CACNA1A: variants seen among roughly 807,000 people sequenced by gnomAD.
CACNA1A encodes voltage-dependent P/Q-type calcium channel subunit alpha-1A.
In CACNA1A, 57 loss-of-function variants were observed where a neutral mutation model predicts 262.4. The observed-to-expected ratio is 0.22, with a 90% CI of 0.18 to 0.27. The LOEUF is 0.27. Among genes scored for constraint, CACNA1A ranks in the 10% least tolerant of loss-of-function variants. CACNA1A has a pLI of 1.00. For missense variants in CACNA1A, 2,526 were observed against 3,562.8 expected, an observed-to-expected ratio of 0.71 and a Z score of 7.41; for synonymous variants, 1,431 against 1,419.3, an observed-to-expected ratio of 1.01 and a Z score of -0.18.
chr19:13,314,340 G>A (rs1176031107), intron 11 of CACNA1A, among the ~76,000 whole-genome samples: 1 of 152,168 alleles, frequency 6.6e-6, no homozygotes, highest in African/African-American at 2.4e-5. Flanking sequence ...TTAAATGTTT[G>A]TGTCCCCTCC....
intron 1 of CACNA1A, among the ~76,000 whole-genome samples, chr19:13,504,316 C>T (rs373658389): frequency 1.3e-5 from 2 of 152,170 alleles, no homozygotes; most frequent in African/African-American, 4.8e-5. Flanking sequence ...AGACCTGGCA[C>T]CTGCTTTGGG....
At chr19:13,283,603 C>A in intron 21 of CACNA1A, 1 of 551,004 alleles carries the variant, frequency 1.8e-6, no homozygotes, top group Non-Finnish European at 3.2e-6. Context: ...TGAGAGAAGA[C>A]ATTCACATGC....
At chr19:13,460,551 C>T (rs1464094675) in intron 1 of CACNA1A, among the ~76,000 whole-genome samples, 4 of 152,080 alleles carry the variant, frequency 2.6e-5, no homozygotes, top group African/African-American at 9.7e-5. Flanking sequence ...TATTCAAAGC[C>T]TTCCCATGGA....
In CACNA1A at chr19:13,350,734, T is replaced by A. The variant is rs945119320; in HGVS notation, c.978+8872A>T. Among the ~76,000 whole-genome samples, 4 of 152,204 alleles carry A rather than the reference T, an allele frequency of 2.6e-5. No individual in the cohort carries two copies. The South Asian group carries it at 8.3e-4, about 32-fold the overall frequency. On this transcript the variant is annotated intron_variant, in intron 6 of 46. Transcript: ENST00000360228. ...AAAAAAAATTCTGGGCTGGTCACAG[T>A]GGCTCATGCCTATAATCCCAGTGAC...
At position 13,406,416 on chromosome 19, in the gene CACNA1A, A is replaced by T. The variant is rs913009769; in HGVS notation, c.540-34637T>A. Among the ~76,000 whole-genome samples the T allele has an allele frequency of 1.0e-3, 146 of 139,626 alleles. 1 individual carries two copies. The highest frequency in any genetic ancestry group is 3.7e-3 in the African/African-American group (141 of 38,238). The allele number at this position is 139,626 out of a possible 152,430, so 91.6% of individuals were successfully genotyped here. A position where few individuals can be genotyped will look rare whatever the true frequency, so the allele number is the denominator to read the frequency against. On this transcript the variant is annotated intron_variant, in intron 3 of 46. Transcript: ENST00000360228. ...GTTGCAGTGAGCCAAGATCGCGACA[A>T]TGGGCTTCAGCCTGGGTGACAGAGG... is the stretch of plus-strand genomic sequence containing the variant.
rs756780624 is a variant in CACNA1A at position 13,209,390 on chromosome 19, G to A, written c.6448C>T (p.Arg2150Trp). ...CGGTCGCGGCGCCGCTGGTGGTGCCGCTGGTTCTCCTCGGGCGGGACCCGC... is the reference window on the plus strand; with the variant it reads ...CGGTCGCGGCGCCGCTGGTGGTGCCACTGGTTCTCCTCGGGCGGGACCCGC... ...LERVPPEENQ[R>W]HHQRRRDRSH... Residue 2150 changes from arginine (R) to tryptophan (W), a missense_variant, in exon 45 of 47, where the codon CGG becomes TGG. Coordinates refer to ENST00000360228, the MANE Select transcript of CACNA1A (RefSeq NM_001127222.2). The A allele has an allele frequency of 1.3e-4, 189 of 1,401,216 alleles. 1 individual carries two copies. The East Asian group carries it at 5.1e-3, about 38-fold the overall frequency. 86.8% of individuals were successfully genotyped at this position (1,401,216 alleles called of 1,614,324 possible).
At chr19:13,288,531 G>A (rs1420969558) in intron 19 of CACNA1A, among the ~76,000 whole-genome samples, 1 of 151,986 alleles carries the variant, frequency 6.6e-6, no homozygotes, top group Non-Finnish European at 1.5e-5. Flanking sequence ...CCTAAGTGCT[G>A]GATATATAGA....
intron 19 of CACNA1A, among the ~76,000 whole-genome samples, chr19:13,290,982 T>C (rs1321603853): frequency 2.0e-5 from 3 of 152,128 alleles, no homozygotes; most frequent in Non-Finnish European, 2.9e-5. Flanking sequence ...CTGTTGGCTC[T>C]GTTTGTTGGG....
intron 11 of CACNA1A, among the ~76,000 whole-genome samples, chr19:13,314,019 T>G (rs7257258): frequency 0.29 from 44,565 of 152,022 alleles, 7,098 homozygotes; most frequent in East Asian, 0.46. Flanking sequence ...GACAAAGCCT[T>G]TTGTTCTTTG....
chr19:13,458,103 T>C (rs902673507), intron 1 of CACNA1A, among the ~76,000 whole-genome samples: 13 of 152,276 alleles, frequency 8.5e-5, no homozygotes, highest in Middle Eastern at 3.4e-3. Context: ...TTACACAACA[T>C]TGTGAGTGTA....
At chr19:13,402,039 T>C (rs1419434504) in intron 3 of CACNA1A, among the ~76,000 whole-genome samples, 1 of 152,148 alleles carries the variant, frequency 6.6e-6, no homozygotes, top group East Asian at 1.9e-4. Context: ...AGATTTTTGG[T>C]TTTATTGGTT....
chr19:13,504,691 C>A (rs1463814930), intron 1 of CACNA1A, among the ~76,000 whole-genome samples: 1 of 152,220 alleles, frequency 6.6e-6, no homozygotes, highest in African/African-American at 2.4e-5. Context: ...TGGAACTGTG[C>A]GGAGAAGCGG....
intron 40 of CACNA1A, chr19:13,213,917 C>G: frequency 3.3e-6 from 1 of 300,606 alleles, no homozygotes; most frequent in East Asian, 7.3e-5. Context: ...CACTCCTGGC[C>G]TCAAGTGATC....
rs114147441 is a variant in CACNA1A, at chr19:13,444,038, G to A, written c.539+8838C>T. On this transcript the variant is annotated intron_variant, in intron 3 of 46. Coordinates refer to ENST00000360228, the MANE Select transcript of CACNA1A (RefSeq NM_001127222.2). ...ATCATTATTATCACTGTCACTGCTGGTGTTGTTAGAAGATGGAAGAAAATA... is the reference window on the plus strand; with the variant it reads ...ATCATTATTATCACTGTCACTGCTGATGTTGTTAGAAGATGGAAGAAAATA... Among the ~76,000 whole-genome samples the A allele has an allele frequency of 3.8e-3, 573 of 152,306 alleles. 6 individuals carry two copies. Among genetic ancestry groups the A allele is most frequent in the African/African-American group, 0.013 (548 of 41,562 alleles).
intron 30 of CACNA1A, among the ~76,000 whole-genome samples, chr19:13,249,858 C>T (rs1003142363): frequency 3.3e-5 from 5 of 152,094 alleles, no homozygotes; most frequent in African/African-American, 7.2e-5. Flanking sequence ...TAACCACCTC[C>T]GTGAGCCAAG....
intron 3 of CACNA1A, chr19:13,450,598 G>T (rs969892717): frequency 6.6e-6 from 1 of 152,044 alleles, no homozygotes; most frequent in African/African-American, 2.4e-5. Flanking sequence ...TTACTGCTGT[G>T]TCCCAGAGCC....
chr19:13,429,286 G>A (rs921417679), intron 3 of CACNA1A, among the ~76,000 whole-genome samples: 1 of 151,552 alleles, frequency 6.6e-6, no homozygotes, highest in African/African-American at 2.4e-5. Context: ...CAGCACGCCT[G>A]TCCTGGTTTC....
intron 1 of CACNA1A, among the ~76,000 whole-genome samples, chr19:13,469,643 T>C (rs1207433545): frequency 6.8e-6 from 1 of 147,812 alleles, no homozygotes; most frequent in African/African-American, 2.5e-5. Flanking sequence ...GTATTTTTAG[T>C]AGAGACAGGG....
At chr19:13,227,388 A>AG in intron 37 of CACNA1A, 43 bp downstream of exon 37, 1 of 973,592 alleles carries the variant, frequency 1.0e-6, no homozygotes, top group Non-Finnish European at 1.6e-6. Flanking sequence ...GAAGAAAAAA[A>AG]AACCCAGTGC....
Sources: allele counts gnomAD v4.1 joint callset (sites outside exome capture counted in the v4.1 genomes callset), GRCh38; gene constraint gnomAD v4.1.1; transcripts MANE v1.5; gene names NCBI Gene and HGNC (gene_info 2026-07-23, HGNC 2026-07-21).